C10orf120: variants seen among roughly 807,000 people sequenced by gnomAD.
The protein encoded by C10orf120 is uncharacterized protein C10orf120.
In C10orf120, 15 loss-of-function variants were observed where a neutral mutation model predicts 10.8. The observed-to-expected ratio is 1.39, with a 90% CI of 0.93 to 2.14. The LOEUF is 2.14. Among genes scored for constraint, C10orf120 ranks in the 30% most tolerant of loss-of-function variants. The pLI is 0.00. For synonymous variants in C10orf120, 141 were observed against 138.9 expected, an observed-to-expected ratio of 1.02 and a Z score of -0.11; for missense variants, 447 against 411.3, an observed-to-expected ratio of 1.09 and a Z score of -0.75.
Position 122,699,822 on chromosome 10 carries a change from C to A in C10orf120, c.-32G>T. ...GCAATAAGCTAGGACGGGAGGTGTT[C>A]ACACCTGGAGTTTGTTTCTAAGACA... On this transcript the variant is annotated 5_prime_UTR_variant, in exon 1 of 3. Coordinates refer to ENST00000329446, the MANE Select transcript of C10orf120 (RefSeq NM_001010912.4). 6.3e-7 allele frequency: 1 copy of A among 1,578,154 alleles called. No individual in the cohort carries two copies. Among genetic ancestry groups the A allele is most frequent in the South Asian group, 1.2e-5 (1 of 85,886 alleles).
chr10:122,697,814 A>G lies in C10orf120; in HGVS notation c.927T>C (p.Ser309=). 6.2e-7 allele frequency: 1 copy of G among 1,614,116 alleles called. No homozygotes were observed. The highest frequency in any genetic ancestry group is 1.6e-4 in the Middle Eastern group (1 of 6,062). Reference sequence around the variant, plus strand: ...CCAGGCTGTAGGTCTTGACCAGATCACTGAAGTGGTCTCTCCGTGATATAA... The same window carrying G: ...CCAGGCTGTAGGTCTTGACCAGATCGCTGAAGTGGTCTCTCCGTGATATAA... ...QDFISRRDHF[S]DLVKTYSLEE... Residue 309 remains serine (S), a synonymous_variant, in exon 3 of 3, where the codon AGT becomes AGC. Coordinates refer to ENST00000329446, the MANE Select transcript of C10orf120 (RefSeq NM_001010912.4).
In C10orf120 at chr10:122,699,612, C is replaced by A; in HGVS notation, c.176+3G>T. On this transcript the variant is annotated splice_donor_region_variant and intron_variant, in intron 1 of 2. Coordinates refer to ENST00000329446, the MANE Select transcript of C10orf120 (RefSeq NM_001010912.4). The stretch of plus-strand genomic sequence containing the variant: ...GACAGACTAAAGTGCAAGTCAGACT[C>A]ACCGCAACGGTGAAGCAGAACTCAG... The A allele has an allele frequency of 6.2e-7, 1 of 1,601,894 alleles. No individual in the cohort carries two copies. Among genetic ancestry groups the A allele is most frequent in the Non-Finnish European group, 8.5e-7 (1 of 1,173,436 alleles).
Position 122,699,355 on chromosome 10 carries a change from G to C in C10orf120, c.234C>G (p.Pro78=). The C allele has an allele frequency of 6.2e-7, 1 of 1,612,532 alleles. No homozygotes were observed. Among genetic ancestry groups the C allele is most frequent in the Middle Eastern group, 1.7e-4 (1 of 6,038 alleles). Residue 78 remains proline, a synonymous_variant, in exon 2 of 3, where the codon CCC becomes CCG. Transcript: ENST00000329446. The part of the protein sequence containing the change: ...DPRIALGKYS[P]LEKEILRLGG... ...CACTTACTAGGATCTCTTTTTCCAA[G>C]GGGGAGTATTTCCCAAGGGCAATCC...
intron 2 of C10orf120, 131 bp from the exon 3 acceptor site, chr10:122,698,619 G>A (rs1400958575): frequency 2.5e-6 from 2 of 796,056 alleles, no homozygotes; most frequent in Non-Finnish European, 4.1e-6. Context: ...GAAAACAGGT[G>A]AACCTTTGGC....
chr10:122,699,774 T>G lies in C10orf120; in HGVS notation c.17A>C (p.Lys6Thr). The G allele has an allele frequency of 6.2e-7, 1 of 1,612,896 alleles. No individual in the cohort carries two copies. ...TTTTTCAATCCTCTGACAGTCATTCTTCCATTCTCTGATCATACTCCGGCA... is the reference window on the plus strand; with the variant it reads ...TTTTTCAATCCTCTGACAGTCATTCGTCCATTCTCTGATCATACTCCGGCA... The part of the protein sequence containing the change: MIREW[K>T]NDCQRIEKQR... The change falls in exon 1 of 3, where the codon AAG (lysine) becomes ACG (threonine). Residue 6 changes from lysine to threonine, a missense_variant. Physicochemically the swap from Lys to Thr is moderately conservative, Grantham distance 78. Transcript: ENST00000329446.
chr10:122,698,601 C>G (rs1845821954), intron 2 of C10orf120, 113 bp from the exon 3 acceptor site: 2 of 965,118 alleles, frequency 2.1e-6, no homozygotes, highest in Non-Finnish European at 3.1e-6. Context: ...TTGAGCCTCT[C>G]TGTAGTGGAA....
rs1335922738 is a variant in C10orf120, at chr10:122,698,502, A to G, written c.253-14T>C. 1 of 1,613,000 alleles carries G rather than the reference A, an allele frequency of 6.2e-7. No homozygotes were observed. The highest frequency in any genetic ancestry group is 1.3e-5 in the African/African-American group (1 of 74,874). On this transcript the variant is annotated splice_polypyrimidine_tract_variant and intron_variant, in intron 2 of 2. Coordinates refer to ENST00000329446, the MANE Select transcript of C10orf120 (RefSeq NM_001010912.4). Reference sequence around the variant, plus strand: ...GCCACCTAGACGCTGACAATGGAGAAAGGACTATTAAAATCTCAAGAGCAC... The same window carrying G: ...GCCACCTAGACGCTGACAATGGAGAGAGGACTATTAAAATCTCAAGAGCAC...
In C10orf120 at chr10:122,699,349, T is replaced by C; in HGVS notation, c.240A>G (p.Glu80=). Residue 80 remains glutamate (E), a synonymous_variant, in exon 2 of 3, where the codon GAA becomes GAG. Coordinates refer to ENST00000329446, the MANE Select transcript of C10orf120 (RefSeq NM_001010912.4). The part of the protein sequence containing the change: ...RIALGKYSPL[E]KEILRLGGIH... ...GCGGGACACTTACTAGGATCTCTTT[T>C]TCCAAGGGGGAGTATTTCCCAAGGG... is the stretch of plus-strand genomic sequence containing the variant. The C allele has an allele frequency of 1.2e-6, 2 of 1,612,664 alleles. No individual in the cohort carries two copies. Among genetic ancestry groups the C allele is most frequent in the Non-Finnish European group, 1.7e-6 (2 of 1,178,860 alleles).
rs756982732 is a variant in C10orf120 at position 122,698,339 on chromosome 10, A to G, written c.402T>C (p.Ala134=). Residue 134 remains alanine, a synonymous_variant, in exon 3 of 3, where the codon GCT becomes GCC. Coordinates refer to ENST00000329446, the MANE Select transcript of C10orf120 (RefSeq NM_001010912.4). ...ATATTTTTTCTAGGGGTACACAAAT[A>G]GCACAAGGAGAGGAATGTTTCTTTT... ...EYKKKHSSPC[A]ICVPLEKIWT... The G allele has an allele frequency of 3.7e-6, 6 of 1,614,110 alleles. No individual in the cohort carries two copies. In the South Asian group the frequency reaches 6.6e-5, roughly 18 times the overall value.
At chr10:122,699,275 C>T in intron 2 of C10orf120, 62 bp downstream of exon 2, 1 of 1,192,880 alleles carries the variant, frequency 8.4e-7, no homozygotes, top group Non-Finnish European at 1.2e-6. Context: ...CCTTTGGCTC[C>T]CTCTAGCTAA....
chr10:122,698,835 T>C (rs1016981085), intron 2 of C10orf120, among the ~76,000 whole-genome samples: 1 of 152,040 alleles, frequency 6.6e-6, no homozygotes, highest in Non-Finnish European at 1.5e-5. Flanking sequence ...AATAAGAGTA[T>C]TTTGCTGTGG....
rs761518777 is a variant in C10orf120, at chr10:122,698,162, TGAG to T, written c.576_578del (p.Ser193del). 1 of 1,613,168 alleles carries T rather than the reference TGAG, an allele frequency of 6.2e-7. No homozygotes were observed. Among genetic ancestry groups the T allele is most frequent in the South Asian group, 1.1e-5 (1 of 90,708 alleles). ...GACCCAGGCCCACCCCAGACAGAAA[TGAG>T]GAGCGTGTAAACCTTTCAATGTAGG... On this transcript the variant is annotated inframe_deletion, in exon 3 of 3. Coordinates refer to ENST00000329446, the MANE Select transcript of C10orf120 (RefSeq NM_001010912.4).
rs939082381 is a variant in C10orf120 at position 122,699,371 on chromosome 10, A to C, written c.218T>G (p.Leu73Arg). The change falls in exon 2 of 3, where the codon CTT (leucine) becomes CGT (arginine). Residue 73 changes from leucine (L) to arginine (R), a missense_variant. Physicochemically the swap from Leu to Arg is moderately radical, Grantham distance 102. Transcript: ENST00000329446. ...TTTTTCCAAGGGGGAGTATTTCCCAAGGGCAATCCGTGGGTCTGATCTGTA... is the reference window on the plus strand; with the variant it reads ...TTTTTCCAAGGGGGAGTATTTCCCACGGGCAATCCGTGGGTCTGATCTGTA... ...KFYRSDPRIA[L>R]GKYSPLEKEI... 1.7e-5 allele frequency: 27 copies of C among 1,613,306 alleles called. No individual in the cohort carries two copies. The highest frequency in any genetic ancestry group is 2.0e-5 in the Non-Finnish European group (24 of 1,179,440).
rs770441464 is a variant in C10orf120 at position 122,698,207 on chromosome 10, T to A, written c.534A>T (p.Gly178=). The A allele has an allele frequency of 1.2e-6, 2 of 1,613,588 alleles. No homozygotes were observed. The highest frequency in any genetic ancestry group is 3.3e-5 in the Admixed American group (2 of 59,912). ...CAATGTAGGGTAAAGGCTGATGATT[T>A]CCCAGAGCCCGAGCAAGCCTCATCC... The part of the protein sequence containing the change: ...IERMRLARAL[G]NHQPLPYIER... The change falls in exon 3 of 3, where the codon GGA becomes GGT. Residue 178 remains glycine (G), a synonymous_variant. Transcript: ENST00000329446.
intron 1 of C10orf120, 84 bp from the exon 2 acceptor site, chr10:122,699,496 G>T: frequency 6.9e-7 from 1 of 1,456,872 alleles, no homozygotes; most frequent in Non-Finnish European, 9.5e-7. Flanking sequence ...CTCATAAAGG[G>T]TTATTCTACA....
At position 122,698,191 on chromosome 10, in the gene C10orf120, G is replaced by A. The variant is rs746651873; in HGVS notation, c.550C>T (p.Pro184Ser). The A allele has an allele frequency of 1.2e-6, 2 of 1,613,630 alleles. No homozygotes were observed. Among genetic ancestry groups the A allele is most frequent in the Admixed American group, 1.7e-5 (1 of 59,932 alleles). ...ARALGNHQPLPYIERFTRSSF... is the reference protein window; with the variant it reads ...ARALGNHQPLSYIERFTRSSF... ...GAGCGTGTAAACCTTTCAATGTAGG[G>A]TAAAGGCTGATGATTTCCCAGAGCC... Residue 184 changes from proline to serine, a missense_variant, in exon 3 of 3, where the codon CCC (proline) becomes TCC (serine). Pro to Ser is a moderately conservative substitution (Grantham distance 74). Transcript: ENST00000329446.
rs1351503982 is a variant in C10orf120, at chr10:122,698,086, T to C, written c.655A>G (p.Asn219Asp). The change falls in exon 3 of 3, where the codon AAT becomes GAT. Residue 219 changes from asparagine (N) to aspartate (D), a missense_variant. Physicochemically the swap from Asn to Asp is conservative, Grantham distance 23 (BLOSUM62 1). Coordinates refer to ENST00000329446, the MANE Select transcript of C10orf120 (RefSeq NM_001010912.4). ...TTATCTTGGTTGGCATCATCACAATTATGGGTGTCATAGTTGTCTTCCTTT... is the reference window on the plus strand; with the variant it reads ...TTATCTTGGTTGGCATCATCACAATCATGGGTGTCATAGTTGTCTTCCTTT... ...RRKEDNYDTH[N>D]CDDANQDKKE... The C allele has an allele frequency of 6.2e-7, 1 of 1,613,914 alleles. No individual in the cohort carries two copies. The highest frequency in any genetic ancestry group is 1.1e-5 in the South Asian group (1 of 90,934).
intron 1 of C10orf120, 99 bp downstream of exon 1, chr10:122,699,515 GC>G (rs1566145766): frequency 6.9e-7 from 1 of 1,440,956 alleles, no homozygotes; most frequent in Non-Finnish European, 9.6e-7. Context: ...CACTAGCCAG[GC>G]TGAGGCCGCC....
chr10:122,697,904 T>C lies in C10orf120; in HGVS notation c.837A>G (p.Leu279=). 1 of 1,614,220 alleles carries C rather than the reference T, an allele frequency of 6.2e-7. No homozygotes were observed. Among genetic ancestry groups the C allele is most frequent in the Non-Finnish European group, 8.5e-7 (1 of 1,180,040 alleles). The change falls in exon 3 of 3, where the codon CTA becomes CTG. Residue 279 remains leucine (L), a synonymous_variant. Coordinates refer to ENST00000329446, the MANE Select transcript of C10orf120 (RefSeq NM_001010912.4). ...AKKPERSIAG[L]TNRNLFCISE... ...ATATGCAGAAAAGATTTCGGTTTGT[T>C]AGGCCTGCGATGGACCGTTCCGGTT...
Sources: allele counts gnomAD v4.1 joint callset (sites outside exome capture counted in the v4.1 genomes callset), GRCh38; gene constraint gnomAD v4.1.1; transcripts MANE v1.5; gene names NCBI Gene and HGNC (gene_info 2026-07-23, HGNC 2026-07-21).